Variants in HTT observed in about 807,000 individuals in gnomAD.
HTT encodes the protein huntington disease protein.
In HTT, 104 loss-of-function variants were observed where a neutral mutation model predicts 362.3. The observed-to-expected ratio is 0.29, with a 90% CI of 0.24 to 0.34. The LOEUF is 0.34. HTT is among the 10% of genes least tolerant of loss of function. The pLI is 1.00. For missense variants in HTT, 3,301 were observed against 3,928.6 expected, an observed-to-expected ratio of 0.84 and a Z score of 4.27; for synonymous variants, 1,577 against 1,548.7, an observed-to-expected ratio of 1.02 and a Z score of -0.43.
At position 3,161,095 on chromosome 4, in the gene HTT, C is replaced by T. The variant is rs575085452; in HGVS notation, c.3864+703C>T. 1.1e-4 allele frequency among the ~76,000 whole-genome samples: 17 copies of T among 152,186 alleles called. No homozygotes were observed. In the South Asian group the frequency reaches 1.7e-3, roughly 15 times the overall value. ...CAGTCCCCTCACTCCCCATGGGCCC[C>T]GGTGTGTGATGTTCTCCTCCCTGTG... On this transcript the variant is annotated intron_variant, in intron 29 of 66. Coordinates refer to ENST00000355072, the MANE Select transcript of HTT (RefSeq NM_001388492.1).
At chr4:3,171,453 ATCT>A (rs991841582) in intron 29 of HTT, among the ~76,000 whole-genome samples, 9 of 148,834 alleles carry the variant, frequency 6.0e-5, no homozygotes, top group Non-Finnish European at 1.2e-4. Context: ...TTGAGTTAGC[ATCT>A]TCTTCTTTCT....
chr4:3,240,714 C>CAGCGTCCGGGGTGGTGGACAG lies in HTT; in HGVS notation c.*656_*676dup, dbSNP rs1301880370. 2.0e-5 allele frequency: 3 copies of CAGCGTCCGGGGTGGTGGACAG among 153,348 alleles called. No individual in the cohort carries two copies. The highest frequency in any genetic ancestry group is 4.4e-5 in the Non-Finnish European group (3 of 68,588). 9.5% of individuals were successfully genotyped at this position (153,348 alleles called of 1,614,324 possible). A position where few individuals can be genotyped will look rare whatever the true frequency, so the allele number is the denominator to read the frequency against. On this transcript the variant is annotated 3_prime_UTR_variant, in exon 67 of 67. Coordinates refer to ENST00000355072, the MANE Select transcript of HTT (RefSeq NM_001388492.1). ...ATCGCAAGGCCTGTGCTGCATGCGA[C>CAGCGTCCGGGGTGGTGGACAG]AGCGTCCGGGGTGGTGGACAGGGCC...
At chr4:3,229,760 T>C (rs1578611447) in intron 59 of HTT, 127 bp from the exon 60 acceptor site, 3 of 1,024,244 alleles carry the variant, frequency 2.9e-6, no homozygotes, top group Non-Finnish European at 3.0e-6. Flanking sequence ...CACGCACACA[T>C]GCGTCCCGCA....
intron 29 of HTT, among the ~76,000 whole-genome samples, chr4:3,169,063 C>T (rs1238302696): frequency 2.1e-5 from 3 of 142,676 alleles, no homozygotes; most frequent in African/African-American, 3.0e-5. Context: ...CTGTCGCCTG[C>T]GTTGGAGTGC....
rs140688644 is a variant in HTT, at chr4:3,196,252, G to C, written c.5369-3480G>C. Among the ~76,000 whole-genome samples the C allele has an allele frequency of 1.7e-3, 262 of 152,212 alleles. 2 individuals carry two copies. Among genetic ancestry groups the C allele is most frequent in the Admixed American group, 3.0e-3 (46 of 15,296 alleles). ...CCTTCTCATGAGCCTCTGTCCAGTT[G>C]TTCCTCCCTCCACCTGGAAGGGACC... On this transcript the variant is annotated intron_variant, in intron 40 of 66. Transcript: ENST00000355072.
intron 26 of HTT, 45 bp downstream of exon 26, chr4:3,148,252 A>C: frequency 1.4e-6 from 2 of 1,383,052 alleles, no homozygotes; most frequent in South Asian, 1.4e-5. Flanking sequence ...CTTAATGACT[A>C]TGGGTTTCCA....
Position 3,206,515 on chromosome 4 carries a change from C to G in HTT, c.5738C>G (p.Ser1913Cys), listed in dbSNP as rs760430500. The G allele has an allele frequency of 8.7e-6, 14 of 1,613,952 alleles. No homozygotes were observed. In the East Asian group the frequency reaches 2.9e-4, roughly 33 times the overall value. The change falls in exon 43 of 67, where the codon TCC (serine) becomes TGC (cysteine). Residue 1913 changes from serine (S) to cysteine (C), a missense_variant. By Grantham distance (112) the Ser-to-Cys change is moderately radical. Around this residue, in one of 4 missense-constraint regions of HTT, gnomAD observed 2,316 missense variants for 2,658.5 expected, o/e 0.87. Coordinates refer to ENST00000355072, the MANE Select transcript of HTT (RefSeq NM_001388492.1). This position sits in a 1 kb window ranked among gnomAD's most constrained non-coding sequence, Gnocchi z 4.6. ...CDYVCQNLHD[S>C]EHLTWLIVNH... ...CCTTAGTGTCAGAACCTCCATGACT[C>G]CGAGCACTTAACGTGGCTCATTGTA...
At chr4:3,173,960 C>T (rs1011062962) in intron 31 of HTT, among the ~76,000 whole-genome samples, 17 of 152,210 alleles carry the variant, frequency 1.1e-4, no homozygotes, top group African/African-American at 3.9e-4. Flanking sequence ...CGTGAGCCAC[C>T]GCGCCCGGCC....
At chr4:3,233,094 G>T (rs1371204703) in intron 60 of HTT, 69 bp from the exon 61 acceptor site, 18 of 1,367,728 alleles carry the variant, frequency 1.3e-5, no homozygotes, top group Admixed American at 1.9e-5. Context: ...CCCCGCCTCG[G>T]CTGTGGGGAG....
At position 3,214,047 on chromosome 4, in the gene HTT, G is replaced by C. The variant is rs767023984; in HGVS notation, c.6864G>C (p.Leu2288=). 2.5e-6 allele frequency: 4 copies of C among 1,609,898 alleles called. No homozygotes were observed. In the South Asian group the frequency reaches 3.3e-5, roughly 13 times the overall value. ...ACTGCTGCTGCCTGGCCCTGCAGCT[G>C]CCTGGCCTCTGGAGCGTGGTCTCCT... ...GLDCCCLALQ[L]PGLWSVVSST... The change falls in exon 50 of 67, where the codon CTG becomes CTC. Residue 2288 remains leucine, a synonymous_variant. Transcript: ENST00000355072.
At chr4:3,087,447 C>T (rs1300111722) in intron 2 of HTT, among the ~76,000 whole-genome samples, 5 of 152,194 alleles carry the variant, frequency 3.3e-5, no homozygotes, top group African/African-American at 9.6e-5. Flanking sequence ...GTGGCTGGAG[C>T]CCACTCCTCT....
rs756328085 is a variant in HTT at position 3,154,286 on chromosome 4, AT to A, written c.3499-3del. 9.0e-5 allele frequency: 139 copies of A among 1,548,880 alleles called. 1 individual carries two copies. The highest frequency in any genetic ancestry group is 6.0e-5 in the Non-Finnish European group (69 of 1,151,016). ...TTTTGTTTTTTGTTTTTGTTTTTCT[AT>A]TTTAGGCAGCCTTGCCTTCTCTAAC... On this transcript the variant is annotated splice_polypyrimidine_tract_variant and splice_region_variant and intron_variant, in intron 26 of 66. Coordinates refer to ENST00000355072, the MANE Select transcript of HTT (RefSeq NM_001388492.1).
chr4:3,108,378 T>G (rs1407176198), intron 6 of HTT, among the ~76,000 whole-genome samples: 1 of 152,102 alleles, frequency 6.6e-6, no homozygotes, highest in Non-Finnish European at 1.5e-5. Flanking sequence ...AAGAATTTAG[T>G]GTAATATTTC....
intron 27 of HTT, among the ~76,000 whole-genome samples, chr4:3,156,268 T>G (rs908827105): frequency 6.6e-6 from 1 of 152,140 alleles, no homozygotes; most frequent in African/African-American, 2.4e-5. Flanking sequence ...TACAGGCACA[T>G]GCTACTGCAC....
intron 11 of HTT, 58 bp downstream of exon 11, chr4:3,125,687 G>C (rs965704302): frequency 1.3e-5 from 16 of 1,248,258 alleles, no homozygotes; most frequent in Non-Finnish European, 1.9e-5. Context: ...TCCACCCCTT[G>C]CCCTTCCTGC....
chr4:3,229,078 CA>C (rs1721067351), intron 59 of HTT, 69 bp downstream of exon 59: 103 of 1,450,924 alleles, frequency 7.1e-5, no homozygotes, highest in East Asian at 5.3e-4. Context: ...ACACACCCCA[CA>C]CACACACACC....
intron 2 of HTT, among the ~76,000 whole-genome samples, chr4:3,092,460 T>C (rs1263774100): frequency 1.3e-5 from 2 of 152,192 alleles, no homozygotes; most frequent in Non-Finnish European, 2.9e-5. Context: ...CATAGCCCAC[T>C]GCAGCCTGAA....
At chr4:3,080,333 G>A (rs1712825340) in intron 1 of HTT, among the ~76,000 whole-genome samples, 1 of 151,998 alleles carries the variant, frequency 6.6e-6, no homozygotes. Flanking sequence ...GACCTCAGGT[G>A]ATCCACTCGC....
chr4:3,098,067 T>C (rs1349679307), intron 2 of HTT, among the ~76,000 whole-genome samples: 1 of 152,256 alleles, frequency 6.6e-6, no homozygotes, highest in African/African-American at 2.4e-5. Context: ...GTTTTCTTTT[T>C]ACTTTTGATG....
Sources: gnomAD v4.1 joint callset for allele counts (sites outside exome capture counted in the v4.1 genomes callset) on GRCh38, gnomAD v4.1.1 for gene constraint, gnomAD v4.1.1 regional missense constraint, Gnocchi (gnomAD v3.1) non-coding constraint, MANE v1.5 for transcripts, NCBI Gene and HGNC (gene_info 2026-07-23, HGNC 2026-07-21) for gene names.